Variants in ITSN1 observed in about 807,000 individuals in gnomAD.
ITSN1 encodes the protein intersectin-1.
In ITSN1, 58 loss-of-function variants were observed where a neutral mutation model predicts 239.8. That is an observed-to-expected ratio of 0.24 (90% CI 0.20 to 0.30). ITSN1 has a LOEUF of 0.30. ITSN1 is among the 10% of genes least tolerant of loss of function. The pLI is 1.00. For missense variants in ITSN1, 1,558 were observed against 2,103.3 expected (o/e 0.74, Z 5.07); for synonymous variants, 780 against 770.8 (o/e 1.01, Z -0.20).
intron 1 of ITSN1, among the ~76,000 whole-genome samples, chr21:33,690,985 C>G (rs1482467575): frequency 6.6e-6 from 1 of 151,020 alleles, no homozygotes; most frequent in African/African-American, 2.4e-5. Context: ...GAGTATTTAC[C>G]CTCACCTGGA....
chr21:33,794,958 T>C (rs2071419618), intron 17 of ITSN1, among the ~76,000 whole-genome samples: 1 of 152,230 alleles, frequency 6.6e-6, no homozygotes, highest in South Asian at 2.1e-4. Context: ...CAGACATGTT[T>C]TTATCTGTTT....
At chr21:33,665,688 G>A (rs1002573663) in intron 1 of ITSN1, among the ~76,000 whole-genome samples, 3 of 152,124 alleles carry the variant, frequency 2.0e-5, no homozygotes, top group Admixed American at 6.5e-5. Context: ...AATATTCATA[G>A]CAGCATTATT....
In ITSN1 at chr21:33,765,965, A is replaced by G; in HGVS notation, c.879A>G (p.Gln293=). 6.2e-7 allele frequency: 1 copy of G among 1,614,154 alleles called. No individual in the cohort carries two copies. Among genetic ancestry groups the G allele is most frequent in the Admixed American group, 1.7e-5 (1 of 60,016 alleles). The stretch of plus-strand genomic sequence containing the variant: ...TCATTGATGTAGCTATGTCTGGCCA[A>G]CCACTGCCACCTGTCCTGCCTCCAG... ...MHLIDVAMSG[Q]PLPPVLPPEY... is the part of the protein sequence containing the mutation. Residue 293 remains glutamine, a synonymous_variant, in exon 10 of 40, where the codon CAA becomes CAG. Transcript: ENST00000381318.
At chr21:33,773,928 C>T (rs2069383203) in intron 12 of ITSN1, among the ~76,000 whole-genome samples, 1 of 152,150 alleles carries the variant, frequency 6.6e-6, no homozygotes, top group South Asian at 2.1e-4. Flanking sequence ...GATCCGCCTG[C>T]CTCGGCCTAC....
chr21:33,682,170 A>G (rs946306933), intron 1 of ITSN1, among the ~76,000 whole-genome samples: 2 of 150,236 alleles, frequency 1.3e-5, no homozygotes, highest in African/African-American at 2.4e-5. Context: ...CAGGACAACT[A>G]TTGGTGTTTT....
intron 14 of ITSN1, among the ~76,000 whole-genome samples, chr21:33,775,591 G>T (rs2069538266): frequency 6.6e-6 from 1 of 152,158 alleles, no homozygotes; most frequent in African/African-American, 2.4e-5. Flanking sequence ...AGCCATGTGG[G>T]TATCTGGCAG....
intron 20 of ITSN1, among the ~76,000 whole-genome samples, chr21:33,805,104 C>T (rs1439757069): frequency 6.6e-6 from 1 of 152,220 alleles, no homozygotes; most frequent in Admixed American, 6.5e-5. Flanking sequence ...ATACAGCCTT[C>T]AGAAGTCTGA....
chr21:33,708,849 A>G (rs1283550487), intron 1 of ITSN1, among the ~76,000 whole-genome samples: 1 of 152,186 alleles, frequency 6.6e-6, no homozygotes, highest in Non-Finnish European at 1.5e-5. Context: ...TATTATGTAA[A>G]GTGTCAGTGT....
intron 20 of ITSN1, among the ~76,000 whole-genome samples, chr21:33,806,728 T>C (rs2072485464): frequency 6.6e-6 from 1 of 152,250 alleles, no homozygotes; most frequent in Non-Finnish European, 1.5e-5. Context: ...GTTGGGGTGT[T>C]ACAGTGTGCC....
intron 1 of ITSN1, among the ~76,000 whole-genome samples, chr21:33,684,559 G>A (rs1388427253): frequency 6.6e-6 from 1 of 152,074 alleles, no homozygotes; most frequent in Non-Finnish European, 1.5e-5. Context: ...CCTGTATTTG[G>A]GGGTAGAAAC....
intron 18 of ITSN1, among the ~76,000 whole-genome samples, chr21:33,798,450 A>G (rs1161850833): frequency 6.6e-6 from 1 of 152,176 alleles, no homozygotes; most frequent in African/African-American, 2.4e-5. Flanking sequence ...CTGAACAAAA[A>G]GATAAATGAA....
intron 33 of ITSN1, among the ~76,000 whole-genome samples, chr21:33,868,948 A>T (rs60504722): frequency 0.019 from 2,818 of 151,434 alleles, 127 homozygotes; most frequent in East Asian, 0.18. Flanking sequence ...ATGAGAGCTT[A>T]GTCGTTGATT....
At chr21:33,668,375 A>G (rs563033589) in intron 1 of ITSN1, among the ~76,000 whole-genome samples, 1 of 152,304 alleles carries the variant, frequency 6.6e-6, no homozygotes, top group African/African-American at 2.4e-5. Flanking sequence ...TGAGGTTAGG[A>G]TGGGCTCTCT....
chr21:33,828,796 C>T (rs117908431), intron 26 of ITSN1, among the ~76,000 whole-genome samples: 3,308 of 152,278 alleles, frequency 0.022, 58 homozygotes, highest in Non-Finnish European at 0.032. Flanking sequence ...GGTTCTGTCT[C>T]TTCATACTCA....
chr21:33,718,852 T>C lies in ITSN1; in HGVS notation c.24T>C (p.Phe8=). 6.2e-7 allele frequency: 1 copy of C among 1,613,264 alleles called. No homozygotes were observed. The highest frequency in any genetic ancestry group is 8.5e-7 in the Non-Finnish European group (1 of 1,179,534). Reference sequence around the variant, plus strand: ...CCATGGCTCAGTTTCCAACACCTTTTGGTGGTAAGTTTTCAGAAATTTCTC... The same window carrying C: ...CCATGGCTCAGTTTCCAACACCTTTCGGTGGTAAGTTTTCAGAAATTTCTC... MAQFPTP[F]GGSLDIWAIT... The change falls in exon 2 of 40, where the codon TTT becomes TTC. Residue 8 remains phenylalanine, a synonymous_variant. Coordinates refer to ENST00000381318, the MANE Select transcript of ITSN1 (RefSeq NM_003024.3).
chr21:33,873,749 G>A (rs1188890733), intron 33 of ITSN1, among the ~76,000 whole-genome samples: 1 of 152,154 alleles, frequency 6.6e-6, no homozygotes, highest in Non-Finnish European at 1.5e-5. Context: ...GCGCACACCT[G>A]TTGTCCCAGC....
chr21:33,835,253 C>T (rs2074536313), intron 28 of ITSN1, among the ~76,000 whole-genome samples: 1 of 152,158 alleles, frequency 6.6e-6, no homozygotes, highest in African/African-American at 2.4e-5. Context: ...GGCCTCTTTG[C>T]TTGAGCTGTG....
rs2071667490 is a variant in ITSN1, at chr21:33,797,676, C to T, written c.2182+68C>T. On this transcript the variant is annotated intron_variant, in intron 18 of 39. Coordinates refer to ENST00000381318, the MANE Select transcript of ITSN1 (RefSeq NM_003024.3). The surrounding 1 kb of genome is among the most constrained non-coding windows in gnomAD (Gnocchi z 4.9). The stretch of plus-strand genomic sequence containing the variant: ...TCTCCCAGAGCCTCCTGAAAAATGC[C>T]CCTATCTCATCAGTACCTGTCTTGG... The T allele has an allele frequency of 7.8e-7, 1 of 1,280,358 alleles. No homozygotes were observed. Among genetic ancestry groups the T allele is most frequent in the Middle Eastern group, 1.9e-4 (1 of 5,306 alleles). The allele number at this position is 1,280,358 out of a possible 1,614,324, so 79.3% of individuals were successfully genotyped here. A position where few individuals can be genotyped will look rare whatever the true frequency, so the allele number is the denominator to read the frequency against.
At chr21:33,719,103 C>T (rs1020055094) in intron 2 of ITSN1, among the ~76,000 whole-genome samples, 2 of 152,106 alleles carry the variant, frequency 1.3e-5, no homozygotes, top group African/African-American at 2.4e-5. Context: ...GATAAGAAAA[C>T]GTTTAAAGAC....
Sources: gnomAD v4.1 joint callset for allele counts (sites outside exome capture counted in the v4.1 genomes callset) on GRCh38, gnomAD v4.1.1 for gene constraint, Gnocchi (gnomAD v3.1) non-coding constraint, MANE v1.5 for transcripts, NCBI Gene and HGNC (gene_info 2026-07-23, HGNC 2026-07-21) for gene names.